Variants in FER observed in about 807,000 individuals in gnomAD.
FER encodes the protein FER tyrosine kinase.
FER carries 63 observed loss-of-function variants against 111.0 expected under a neutral mutation model. The ratio of observed to expected loss-of-function variants is 0.57; its 90% CI spans 0.46 to 0.70. The LOEUF is 0.70. Ranked by LOEUF, FER falls within the 30% of genes least tolerant of loss-of-function variation. The pLI is 0.00. For missense variants in FER, 914 were observed against 954.0 expected (o/e 0.96, Z 0.55); for synonymous variants, 327 against 313.9 (o/e 1.04, Z -0.44).
Position 109,194,385 on chromosome 5 carries a change from A to C in FER, c.*6810A>C, listed in dbSNP as rs1013685696. On this transcript the variant is annotated 3_prime_UTR_variant, in exon 20 of 20. Transcript: ENST00000281092. ...AAATACAGACCCCAGAGCACATTGC[A>C]TGAAAATACCTGTACTCTGCAGTTC... The C allele has an allele frequency of 6.6e-6, 1 of 152,240 alleles. No individual in the cohort carries two copies. The highest frequency in any genetic ancestry group is 2.1e-4 in the South Asian group (1 of 4,834). 9.4% of individuals were successfully genotyped at this position (152,240 alleles called of 1,614,324 possible).
At chr5:109,032,319 T>C (rs1014987502) in intron 13 of FER, among the ~76,000 whole-genome samples, 5 of 152,212 alleles carry the variant, frequency 3.3e-5, no homozygotes, top group Non-Finnish European at 5.9e-5. Flanking sequence ...TACACAGGTA[T>C]TCTTGCCCAA....
intron 17 of FER, among the ~76,000 whole-genome samples, chr5:109,154,489 A>G (rs1755161590): frequency 6.6e-6 from 1 of 151,908 alleles, no homozygotes; most frequent in South Asian, 2.1e-4. Flanking sequence ...AACCAAATCC[A>G]TGCCTGTAAG....
At chr5:108,917,370 T>C (rs1415498968) in intron 10 of FER, among the ~76,000 whole-genome samples, 1 of 152,166 alleles carries the variant, frequency 6.6e-6, no homozygotes, top group African/African-American at 2.4e-5. Flanking sequence ...ATTTGGTATA[T>C]GGGGAGTAAA....
At chr5:108,940,802 G>A (rs1756151868) in intron 10 of FER, among the ~76,000 whole-genome samples, 2 of 152,066 alleles carry the variant, frequency 1.3e-5, no homozygotes, top group Non-Finnish European at 2.9e-5. Context: ...GTGGTATGTA[G>A]GGTGTGTTTC....
At chr5:109,160,334 GC>G (rs1755858728) in intron 17 of FER, among the ~76,000 whole-genome samples, 2 of 152,134 alleles carry the variant, frequency 1.3e-5, no homozygotes, top group African/African-American at 4.8e-5. Flanking sequence ...AGGAAACCTT[GC>G]TGCATCCTAA....
intron 17 of FER, among the ~76,000 whole-genome samples, chr5:109,176,626 T>A (rs957920834): frequency 6.6e-6 from 1 of 152,138 alleles, no homozygotes; most frequent in Non-Finnish European, 1.5e-5. Context: ...AAGGGAAGAT[T>A]TCAGTGTTCA....
At chr5:108,790,165 G>T (rs1755188551) in intron 2 of FER, among the ~76,000 whole-genome samples, 1 of 151,440 alleles carries the variant, frequency 6.6e-6, no homozygotes, top group East Asian at 1.9e-4. Flanking sequence ...AATAGCCACT[G>T]CACTCCAGCC....
chr5:108,765,187 T>TA (rs1419570408), intron 1 of FER, among the ~76,000 whole-genome samples: 2 of 152,206 alleles, frequency 1.3e-5, no homozygotes, highest in African/African-American at 4.8e-5. Context: ...AGCATGATAA[T>TA]ACCTTTGAAG....
chr5:108,758,626 G>A (rs1421658039), intron 1 of FER, among the ~76,000 whole-genome samples: 1 of 152,136 alleles, frequency 6.6e-6, no homozygotes, highest in South Asian at 2.1e-4. Flanking sequence ...ATTGTGTCTC[G>A]TTGAAGGATT....
At chr5:108,988,169 G>A (rs188610636) in intron 13 of FER, among the ~76,000 whole-genome samples, 1 of 152,058 alleles carries the variant, frequency 6.6e-6, no homozygotes, top group Non-Finnish European at 1.5e-5. Context: ...TTGTCCTTTT[G>A]ATATTCTGTT....
At chr5:109,059,389 G>A (rs1229126709) in intron 16 of FER, among the ~76,000 whole-genome samples, 3 of 151,808 alleles carry the variant, frequency 2.0e-5, no homozygotes, top group African/African-American at 2.4e-5. Flanking sequence ...TTAGCTGGGT[G>A]TGGTGGCGCA....
intron 10 of FER, among the ~76,000 whole-genome samples, chr5:108,912,092 G>T (rs961900801): frequency 2.0e-5 from 3 of 152,036 alleles, no homozygotes; most frequent in Non-Finnish European, 2.9e-5. Context: ...AGTGCCTTTC[G>T]CCTTCTGCCT....
chr5:109,153,916 A>G (rs1283989275), intron 17 of FER, among the ~76,000 whole-genome samples: 1 of 151,846 alleles, frequency 6.6e-6, no homozygotes, highest in African/African-American at 2.4e-5. Flanking sequence ...AGAATGTTTT[A>G]TTATAGACAG....
At chr5:108,988,804 C>T (rs2149740793) in intron 13 of FER, among the ~76,000 whole-genome samples, 1 of 152,066 alleles carries the variant, frequency 6.6e-6, no homozygotes, top group Admixed American at 6.5e-5. Context: ...TTTAGTTTGG[C>T]TCTGATCTTT....
Position 108,872,131 on chromosome 5 carries a change from C to T in FER, c.842C>T (p.Thr281Ile), listed in dbSNP as rs929584410. The change falls in exon 8 of 20, where the codon ACT (threonine) becomes ATT (isoleucine). Residue 281 changes from threonine (T) to isoleucine (I), a missense_variant. Physicochemically the swap from Thr to Ile is moderately conservative, Grantham distance 89. Coordinates refer to ENST00000281092, the MANE Select transcript of FER (RefSeq NM_005246.4). ...AAKEQEIEFD[T>I]SLLEENENLQ... ...AAAGAACAAGAAATAGAGTTTGATA[C>T]TTCCTTACTGGAAGAAAATGAAAAT... 6.8e-6 allele frequency: 11 copies of T among 1,611,160 alleles called. No homozygotes were observed. Among genetic ancestry groups the T allele is most frequent in the Non-Finnish European group, 8.5e-6 (10 of 1,178,706 alleles).
chr5:108,803,063 T>A (rs1387714030), intron 3 of FER, among the ~76,000 whole-genome samples: 1 of 152,208 alleles, frequency 6.6e-6, no homozygotes, highest in Non-Finnish European at 1.5e-5. Flanking sequence ...GGTATCTCAT[T>A]GTGGTCTTGA....
intron 17 of FER, among the ~76,000 whole-genome samples, chr5:109,115,161 G>T (rs1248934767): frequency 6.6e-6 from 1 of 152,058 alleles, no homozygotes; most frequent in East Asian, 1.9e-4. Flanking sequence ...TTAAATGCTT[G>T]TTGCTAATGA....
chr5:108,964,943 G>T (rs543896663), intron 13 of FER, among the ~76,000 whole-genome samples: 1 of 152,016 alleles, frequency 6.6e-6, no homozygotes, highest in East Asian at 1.9e-4. Flanking sequence ...TTCAAAAATT[G>T]CTGTGTGTCG....
intron 13 of FER, among the ~76,000 whole-genome samples, chr5:109,019,798 C>A (rs1224764730): frequency 2.6e-5 from 4 of 151,768 alleles, no homozygotes; most frequent in Non-Finnish European, 5.9e-5. Context: ...CTTTTACTTT[C>A]CAAACTTAAC....
Sources: gnomAD v4.1 joint callset for allele counts (sites outside exome capture counted in the v4.1 genomes callset) on GRCh38, gnomAD v4.1.1 for gene constraint, MANE v1.5 for transcripts, NCBI Gene and HGNC (gene_info 2026-07-23, HGNC 2026-07-21) for gene names.